The following CSMD1 variants were observed in gnomAD, a reference collection of about 807,000 sequenced individuals.
CSMD1 encodes CUB and Sushi multiple domains 1, also known as CUB and sushi domain-containing protein 1.
CSMD1 carries 213 observed loss-of-function variants against 417.5 expected under a neutral mutation model. The ratio of observed to expected loss-of-function variants is 0.51; its 90% CI spans 0.46 to 0.57. The LOEUF is 0.57. CSMD1 is among the 20% of genes least tolerant of loss of function. The pLI is 0.00. For missense variants in CSMD1, 6,923 were observed against 4,529.7 expected (o/e 1.53, Z -15.17); for synonymous variants, 2,862 against 1,736.8 (o/e 1.65, Z -16.11).
At chr8:3,739,197 T>C (rs905126294) in intron 6 of CSMD1, among the ~76,000 whole-genome samples, 1 of 152,192 alleles carries the variant, frequency 6.6e-6, no homozygotes, top group Non-Finnish European at 1.5e-5. Context: ...CTGTAAGGAA[T>C]GCAATCCCCA....
intron 7 of CSMD1, among the ~76,000 whole-genome samples, chr8:3,685,308 G>A (rs778576245): frequency 4.7e-4 from 71 of 152,104 alleles, no homozygotes; most frequent in Non-Finnish European, 7.3e-5. Flanking sequence ...CAGTCTAGTT[G>A]TCTTTCCCCC....
intron 1 of CSMD1, among the ~76,000 whole-genome samples, chr8:4,811,859 G>A (rs1798926642): frequency 6.6e-6 from 1 of 152,072 alleles, no homozygotes; most frequent in Non-Finnish European, 1.5e-5. Flanking sequence ...AGTGAAATCA[G>A]TGCCACAGCT....
intron 2 of CSMD1, among the ~76,000 whole-genome samples, chr8:4,469,681 C>G (rs1303806799): frequency 6.6e-6 from 1 of 152,090 alleles, no homozygotes; most frequent in South Asian, 2.1e-4. Flanking sequence ...CCAGGGAACT[C>G]TTGTCATCAC....
At position 4,191,297 on chromosome 8, in the gene CSMD1, G is replaced by A. The variant is rs533603726; in HGVS notation, c.416-159198C>T. On this transcript the variant is annotated intron_variant, in intron 3 of 69. Transcript: ENST00000635120. ...TGTAGTCCCAGCTACTCGGGAGGCT[G>A]AGGCAGGAGAATGGCGTGAACCCGG... Among the ~76,000 whole-genome samples the A allele has an allele frequency of 3.9e-5, 6 of 152,260 alleles. No individual in the cohort carries two copies. In the East Asian group the frequency reaches 7.7e-4, roughly 20 times the overall value.
intron 1 of CSMD1, among the ~76,000 whole-genome samples, chr8:4,850,151 G>C (rs1223735781): frequency 1.3e-5 from 2 of 152,092 alleles, no homozygotes; most frequent in Admixed American, 6.5e-5. Flanking sequence ...ATCTCTTTAT[G>C]TGAATATTGG....
At chr8:3,219,889 T>G (rs1359931679) in intron 28 of CSMD1, among the ~76,000 whole-genome samples, 1 of 152,174 alleles carries the variant, frequency 6.6e-6, no homozygotes, top group Non-Finnish European at 1.5e-5. Flanking sequence ...AATATTGGAA[T>G]AGTCAGTAGA....
intron 6 of CSMD1, among the ~76,000 whole-genome samples, chr8:3,720,566 G>A (rs1202215137): frequency 6.6e-6 from 1 of 150,830 alleles, no homozygotes; most frequent in Non-Finnish European, 1.5e-5. Flanking sequence ...AAACAGGGGT[G>A]ACACTTCACA....
chr8:3,199,199 T>G (rs1283823447), intron 33 of CSMD1, among the ~76,000 whole-genome samples: 3 of 152,192 alleles, frequency 2.0e-5, no homozygotes, highest in Non-Finnish European at 2.9e-5. Context: ...TACCCAAAGT[T>G]AATAAAACAC....
intron 1 of CSMD1, among the ~76,000 whole-genome samples, chr8:4,967,555 A>G: frequency 6.6e-6 from 1 of 152,174 alleles, no homozygotes; most frequent in East Asian, 1.9e-4. Context: ...TCCCCCATGC[A>G]AATTTGGAAA....
chr8:3,801,666 G>A (rs1357539306), intron 5 of CSMD1, among the ~76,000 whole-genome samples: 4 of 152,100 alleles, frequency 2.6e-5, no homozygotes, highest in Non-Finnish European at 5.9e-5. Flanking sequence ...ACAAAAACTA[G>A]TGGGCAAATA....
intron 68 of CSMD1, among the ~76,000 whole-genome samples, chr8:2,944,559 G>T (rs531812748): frequency 6.6e-6 from 1 of 152,184 alleles, no homozygotes; most frequent in Non-Finnish European, 1.5e-5. Context: ...TCACAAAAAT[G>T]TAACTTTCCT....
intron 25 of CSMD1, among the ~76,000 whole-genome samples, chr8:3,289,153 A>C (rs1803367740): frequency 6.8e-6 from 1 of 147,580 alleles, no homozygotes; most frequent in South Asian, 2.1e-4. Flanking sequence ...AAAGCACATG[A>C]ACTCATCATT....
chr8:3,248,547 T>TTTTTTTTG (rs397950793), intron 26 of CSMD1, among the ~76,000 whole-genome samples: 2 of 139,436 alleles, frequency 1.4e-5, no homozygotes, highest in Admixed American at 7.9e-5. Flanking sequence ...TTTTTTTTTT[T>TTTTTTTTG]GAGACGTAGT....
chr8:4,541,766 G>T (rs776636617), intron 2 of CSMD1, among the ~76,000 whole-genome samples: 23 of 152,100 alleles, frequency 1.5e-4, no homozygotes, highest in Admixed American at 3.9e-4. Context: ...AAGAAAAAAA[G>T]AATCACTCTT....
chr8:4,109,164 T>C (rs1801723838), intron 3 of CSMD1, among the ~76,000 whole-genome samples: 4 of 152,184 alleles, frequency 2.6e-5, no homozygotes, highest in Admixed American at 6.5e-5. Flanking sequence ...TAAATAGTGT[T>C]ATGCTGTATT....
intron 23 of CSMD1, among the ~76,000 whole-genome samples, chr8:3,319,590 A>G (rs1806012987): frequency 6.6e-6 from 1 of 152,222 alleles, no homozygotes; most frequent in Non-Finnish European, 1.5e-5. Flanking sequence ...CACACATTCA[A>G]CAATAACTTT....
chr8:3,253,613 A>G (rs924049706), intron 26 of CSMD1, among the ~76,000 whole-genome samples: 4 of 152,124 alleles, frequency 2.6e-5, no homozygotes, highest in Admixed American at 6.5e-5. Flanking sequence ...TGATCTGTCT[A>G]AAGTTGAGAG....
rs921131279 is a variant in CSMD1 at position 4,319,742 on chromosome 8, G to C, written c.415+100211C>G. ...GAGGAAAAAGAACTGAGACTTGCCG[G>C]GGGGCCAAAGGCTGCTAGAGTTGCC... is the stretch of plus-strand genomic sequence containing the variant. On this transcript the variant is annotated intron_variant, in intron 3 of 69. Coordinates refer to ENST00000635120, the MANE Select transcript of CSMD1 (RefSeq NM_033225.6). 2.0e-5 allele frequency among the ~76,000 whole-genome samples: 3 copies of C among 152,058 alleles called. No individual in the cohort carries two copies. In the East Asian group the frequency reaches 5.8e-4, roughly 29 times the overall value.
At position 3,608,134 on chromosome 8, in the gene CSMD1, A is replaced by G. The variant is rs1479641167; in HGVS notation, c.1097+8576T>C. ...GGTTGCAGTGAGCCAAGATTGTGCC[A>G]CTGCCCTCCAGCCTGGGCAACAGAG... On this transcript the variant is annotated intron_variant, in intron 8 of 69. Transcript: ENST00000635120. Among the ~76,000 whole-genome samples the G allele has an allele frequency of 2.0e-5, 3 of 149,764 alleles. No homozygotes were observed. The East Asian group carries it at 5.9e-4, about 29-fold the overall frequency.
Sources: gnomAD v4.1 joint callset for allele counts (sites outside exome capture counted in the v4.1 genomes callset) on GRCh38, gnomAD v4.1.1 for gene constraint, MANE v1.5 for transcripts, NCBI Gene and HGNC (gene_info 2026-07-23, HGNC 2026-07-21) for gene names.